Variants in MCC observed in about 807,000 individuals in gnomAD.
MCC encodes MCC regulator of Wnt signaling pathway.
In MCC, 90 loss-of-function variants were observed where a neutral mutation model predicts 116.2. That is an observed-to-expected ratio of 0.77 (90% CI 0.65 to 0.92). The LOEUF (loss-of-function observed/expected upper bound fraction) is 0.92. Among genes scored for constraint, MCC ranks in the 40% least tolerant of loss-of-function variants. The probability of loss-of-function intolerance (pLI) is 0.00; values close to 1 mark genes in which losing one functional copy is unlikely to be tolerated. For missense variants in MCC, 1,516 were observed against 1,312.2 expected, an observed-to-expected ratio of 1.16 and a Z score of -2.40; for synonymous variants, 578 against 510.5, an observed-to-expected ratio of 1.13 and a Z score of -1.78.
intron 1 of MCC, among the ~76,000 whole-genome samples, chr5:113,487,728 G>A (rs992302124): frequency 7.2e-5 from 11 of 152,222 alleles, no homozygotes; most frequent in African/African-American, 2.4e-4. Context: ...TCTGAAGTTT[G>A]GAATTCATGG....
At chr5:113,353,506 G>A (rs1768334214) in intron 2 of MCC, among the ~76,000 whole-genome samples, 2 of 152,112 alleles carry the variant, frequency 1.3e-5, no homozygotes. Flanking sequence ...TTAAATGTCA[G>A]TTCCCTTTTT....
intron 3 of MCC, among the ~76,000 whole-genome samples, chr5:113,273,003 G>A (rs148079180): frequency 1.8e-4 from 27 of 152,342 alleles, no homozygotes; most frequent in African/African-American, 6.3e-4. Flanking sequence ...GGACAAGAAA[G>A]AGTTTAAAGA....
At chr5:113,313,927 C>T (rs1469361599) in intron 3 of MCC, among the ~76,000 whole-genome samples, 1 of 152,028 alleles carries the variant, frequency 6.6e-6, no homozygotes, top group Non-Finnish European at 1.5e-5. Context: ...CTCAAGTGAT[C>T]CTCCCGCTTC....
intron 4 of MCC, among the ~76,000 whole-genome samples, chr5:113,143,708 C>T (rs151138894): frequency 2.0e-5 from 3 of 152,294 alleles, no homozygotes; most frequent in Non-Finnish European, 4.4e-5. Context: ...ATACCTTCTG[C>T]AGGGGATTTC....
At chr5:113,227,625 T>A (rs1046642915) in intron 3 of MCC, among the ~76,000 whole-genome samples, 1 of 152,226 alleles carries the variant, frequency 6.6e-6, no homozygotes, top group African/African-American at 2.4e-5. Flanking sequence ...GAAAATCATA[T>A]GTTTCTATAG....
At chr5:113,472,246 T>C (rs1204563248) in intron 1 of MCC, among the ~76,000 whole-genome samples, 3 of 152,202 alleles carry the variant, frequency 2.0e-5, no homozygotes, top group South Asian at 2.1e-4. Context: ...ACCCGTCTTC[T>C]GTGTCGCTCA....
chr5:113,187,334 C>A (rs982907591), intron 3 of MCC, among the ~76,000 whole-genome samples: 2 of 152,126 alleles, frequency 1.3e-5, no homozygotes, highest in Non-Finnish European at 2.9e-5. Context: ...ATTTTGAATT[C>A]TTGGCCTCAA....
intron 3 of MCC, among the ~76,000 whole-genome samples, chr5:113,198,038 G>T (rs544634027): frequency 6.6e-6 from 1 of 152,236 alleles, no homozygotes. Flanking sequence ...GGCCAGCCAC[G>T]CTGTGAGCCT....
At chr5:113,281,753 G>A (rs1766054585) in intron 3 of MCC, among the ~76,000 whole-genome samples, 2 of 152,146 alleles carry the variant, frequency 1.3e-5, no homozygotes, top group South Asian at 2.1e-4. Context: ...AACAACAGCA[G>A]GCAGTGAGAC....
intron 2 of MCC, among the ~76,000 whole-genome samples, chr5:113,360,619 C>A (rs1480890096): frequency 6.6e-6 from 1 of 152,142 alleles, no homozygotes; most frequent in Non-Finnish European, 1.5e-5. Flanking sequence ...AGTTATGGAA[C>A]CATTCAGACT....
At position 113,488,387 on chromosome 5, in the gene MCC, C is replaced by G; in HGVS notation, c.28G>C (p.Ala10Pro). 1 of 1,418,080 alleles carries G rather than the reference C, an allele frequency of 7.1e-7. No homozygotes were observed. The highest frequency in any genetic ancestry group is 9.1e-7 in the Non-Finnish European group (1 of 1,097,102). 87.8% of individuals were successfully genotyped at this position (1,418,080 alleles called of 1,614,324 possible). MMAAAAAAAAGSSSSGGGGG... is the reference protein window; with the variant it reads MMAAAAAAAPGSSSSGGGGG... ...CCGCCGCCGCTGCTGGAGCTCCCCG[C>G]AGCCGCTGCCGCCGCGGCCGCCATC... The change falls in exon 1 of 19, where the codon GCG becomes CCG. Residue 10 changes from alanine to proline, a missense_variant. By Grantham distance (27) the Ala-to-Pro change is conservative. Coordinates refer to ENST00000408903, the MANE Select transcript of MCC (RefSeq NM_001085377.2).
intron 6 of MCC, among the ~76,000 whole-genome samples, chr5:113,108,833 C>T (rs1359517243): frequency 6.6e-6 from 1 of 152,134 alleles, no homozygotes; most frequent in Non-Finnish European, 1.5e-5. Context: ...TATAAAAACA[C>T]AGGTGAGGTG....
intron 16 of MCC, chr5:113,048,664 A>C (rs1166199769): frequency 7.6e-6 from 2 of 264,612 alleles, no homozygotes; most frequent in Non-Finnish European, 1.4e-5. Context: ...AAAACGTAGA[A>C]TATATAAGGG....
chr5:113,185,504 A>C (rs1274346750), intron 3 of MCC, among the ~76,000 whole-genome samples: 1 of 152,194 alleles, frequency 6.6e-6, no homozygotes, highest in African/African-American at 2.4e-5. Flanking sequence ...TGATGTCCCA[A>C]CCAACAGGAG....
chr5:113,195,115 G>C (rs969904950), intron 3 of MCC, among the ~76,000 whole-genome samples: 2 of 152,146 alleles, frequency 1.3e-5, no homozygotes, highest in Non-Finnish European at 1.5e-5. Context: ...TTGTTGAAGG[G>C]AACAGTAAAG....
At chr5:113,209,745 C>A (rs1763051704) in intron 3 of MCC, among the ~76,000 whole-genome samples, 1 of 152,164 alleles carries the variant, frequency 6.6e-6, no homozygotes, top group African/African-American at 2.4e-5. Context: ...CATGGCCATT[C>A]CTACAGGGAA....
chr5:113,303,718 T>A (rs915863642), intron 3 of MCC, among the ~76,000 whole-genome samples: 19 of 152,126 alleles, frequency 1.2e-4, no homozygotes, highest in African/African-American at 3.6e-4. Context: ...AATGGCGCAA[T>A]CTCAGCTCAC....
At chr5:113,458,432 G>A (rs1351592310) in intron 1 of MCC, among the ~76,000 whole-genome samples, 1 of 151,192 alleles carries the variant, frequency 6.6e-6, no homozygotes, top group Non-Finnish European at 1.5e-5. Context: ...GAACACATCC[G>A]AACATCAGAA....
chr5:113,271,886 C>A (rs1365533196), intron 3 of MCC, among the ~76,000 whole-genome samples: 2 of 152,142 alleles, frequency 1.3e-5, no homozygotes, highest in Non-Finnish European at 2.9e-5. Flanking sequence ...ACTTCTACAA[C>A]AATGAGCCAA....
Sources: gnomAD v4.1 joint callset for allele counts (sites outside exome capture counted in the v4.1 genomes callset) on GRCh38, gnomAD v4.1.1 for gene constraint, MANE v1.5 for transcripts, NCBI Gene and HGNC (gene_info 2026-07-23, HGNC 2026-07-21) for gene names.